WDPCP: variants seen among roughly 807,000 people sequenced by gnomAD.
WDPCP encodes the protein WD repeat-containing and planar cell polarity effector protein fritz homolog.
WDPCP carries 71 observed loss-of-function variants against 93.1 expected under a neutral mutation model. The ratio of observed to expected loss-of-function variants is 0.76; its 90% CI spans 0.63 to 0.93. The LOEUF (loss-of-function observed/expected upper bound fraction) is 0.93. WDPCP is among the 40% of genes least tolerant of loss of function. The pLI, the probability that WDPCP is intolerant of heterozygous loss-of-function variation, is 0.00. For missense variants in WDPCP, 844 were observed against 887.4 expected (o/e 0.95, Z 0.62); for synonymous variants, 315 against 315.0 (o/e 1.00, Z 0.00).
At chr2:63,308,836 C>G (rs12614208) in intron 13 of WDPCP, among the ~76,000 whole-genome samples, 25,152 of 152,066 alleles carry the variant, frequency 0.17, 2,289 homozygotes, top group Middle Eastern at 0.25. Context: ...CACATGTATA[C>G]CTATGTGACA....
At chr2:63,763,610 T>G (rs12464279) in intron 2 of WDPCP, among the ~76,000 whole-genome samples, 38,963 of 152,050 alleles carry the variant, frequency 0.26, 5,250 homozygotes, top group Middle Eastern at 0.32. Flanking sequence ...AATTTAGCAT[T>G]ACTAAAACTT....
intron 14 of WDPCP, among the ~76,000 whole-genome samples, chr2:63,222,521 G>A (rs1428935595): frequency 6.6e-6 from 1 of 152,182 alleles, no homozygotes; most frequent in Non-Finnish European, 1.5e-5. Context: ...TAACTCCTCT[G>A]TCTCCTCATC....
chr2:63,296,886 C>T (rs1317176967), intron 13 of WDPCP, among the ~76,000 whole-genome samples: 1 of 152,126 alleles, frequency 6.6e-6, no homozygotes, highest in Non-Finnish European at 1.5e-5. Flanking sequence ...TCTACAGATT[C>T]AATGCAATTC....
chr2:63,523,330 A>G (rs1703081065), intron 1 of WDPCP, among the ~76,000 whole-genome samples: 1 of 152,188 alleles, frequency 6.6e-6, no homozygotes, highest in African/African-American at 2.4e-5. Context: ...GCCATTTATG[A>G]CAAACCCACA....
intron 2 of WDPCP, among the ~76,000 whole-genome samples, chr2:63,778,005 T>C (rs1013864896): frequency 3.3e-5 from 5 of 152,182 alleles, no homozygotes; most frequent in Admixed American, 6.5e-5. Context: ...CATTGGACTT[T>C]GGGATAAAAA....
intron 14 of WDPCP, among the ~76,000 whole-genome samples, chr2:63,231,544 G>A (rs1009274479): frequency 3.3e-5 from 5 of 152,024 alleles, no homozygotes; most frequent in African/African-American, 4.8e-5. Flanking sequence ...TAACAGACAA[G>A]CCGAGAGCCA....
At chr2:63,240,182 A>G (rs1400053328) in intron 14 of WDPCP, among the ~76,000 whole-genome samples, 3 of 151,884 alleles carry the variant, frequency 2.0e-5, no homozygotes, top group African/African-American at 7.3e-5. Flanking sequence ...CACTCTTAGT[A>G]TTTTTTGTTT....
At chr2:63,590,890 T>G (rs1216360112), upstream of WDPCP, 1 of 152,228 alleles carries the variant, frequency 6.6e-6, no homozygotes, top group African/African-American at 2.4e-5. Context: ...TTCTGTAAGC[T>G]CATTCAAAGC....
chr2:63,445,588 G>C (rs1697803329), intron 6 of WDPCP, among the ~76,000 whole-genome samples: 1 of 152,070 alleles, frequency 6.6e-6, no homozygotes, highest in Non-Finnish European at 1.5e-5. Context: ...GGACAAAAAA[G>C]AAAAAGAGCA....
chr2:63,436,781 TAAA>T (rs976758463), intron 8 of WDPCP, among the ~76,000 whole-genome samples: 1 of 152,066 alleles, frequency 6.6e-6, no homozygotes, highest in South Asian at 2.1e-4. Flanking sequence ...TCCCAGCAGT[TAAA>T]ATGTAATGTG....
intron 2 of WDPCP, among the ~76,000 whole-genome samples, chr2:63,697,915 G>A (rs906203217): frequency 5.3e-5 from 8 of 150,734 alleles, no homozygotes; most frequent in East Asian, 4.0e-4. Context: ...CTCCCAAAGT[G>A]CTGGGACTAC....
In WDPCP at chr2:63,154,059, A is replaced by G. The variant is rs1672066982; in HGVS notation, c.2079-485T>C. Among the ~76,000 whole-genome samples the G allele has an allele frequency of 3.3e-5, 5 of 151,608 alleles. No individual in the cohort carries two copies. In the South Asian group the frequency reaches 1.0e-3, roughly 31 times the overall value. Reference sequence around the variant, plus strand: ...TGTTCTCTGGATATTTAGCTCCACTACTTATTATTATGTATCTTTTAAAAA... The same window carrying G: ...TGTTCTCTGGATATTTAGCTCCACTGCTTATTATTATGTATCTTTTAAAAA... On this transcript the variant is annotated intron_variant, in intron 15 of 17. Coordinates refer to ENST00000272321, the MANE Select transcript of WDPCP (RefSeq NM_015910.7).
chr2:63,667,298 T>C (rs1020457178), intron 2 of WDPCP, among the ~76,000 whole-genome samples: 3 of 152,198 alleles, frequency 2.0e-5, no homozygotes, highest in Admixed American at 2.0e-4. Flanking sequence ...GAGGCTGGCA[T>C]AGGTTTGTCC....
chr2:63,558,760 T>C (rs551290804), intron 1 of WDPCP, among the ~76,000 whole-genome samples: 10 of 151,896 alleles, frequency 6.6e-5, no homozygotes, highest in African/African-American at 2.2e-4. Flanking sequence ...AACAGACCAA[T>C]AACAAGTTCT....
At chr2:63,618,117 G>A (rs754386443) in intron 3 of WDPCP, among the ~76,000 whole-genome samples, 1 of 152,150 alleles carries the variant, frequency 6.6e-6, no homozygotes, top group Non-Finnish European at 1.5e-5. Flanking sequence ...TGAAAGAGGG[G>A]CTTATGTAAA....
chr2:63,589,237 C>A, upstream of WDPCP: 1 of 1,556,834 alleles, frequency 6.4e-7, no homozygotes, highest in South Asian at 1.2e-5. Context: ...TTCCACCTTG[C>A]GGGGTATGGG....
At chr2:63,620,613 G>C (rs904177313) in intron 3 of WDPCP, among the ~76,000 whole-genome samples, 1 of 152,202 alleles carries the variant, frequency 6.6e-6, no homozygotes, top group South Asian at 2.1e-4. Context: ...AGATTTAAAC[G>C]TTCCTGTCTG....
intron 1 of WDPCP, among the ~76,000 whole-genome samples, chr2:63,572,988 T>G (rs1707642912): frequency 6.6e-6 from 1 of 152,098 alleles, no homozygotes; most frequent in Non-Finnish European, 1.5e-5. Context: ...GGCTCACACC[T>G]ATAATCCCAG....
At chr2:63,334,194 G>C (rs949572374) in intron 12 of WDPCP, among the ~76,000 whole-genome samples, 1 of 152,096 alleles carries the variant, frequency 6.6e-6, no homozygotes, top group Non-Finnish European at 1.5e-5. Context: ...TTTCTTTCAG[G>C]AATGTATTAT....
Sources: gnomAD v4.1 joint callset for allele counts (sites outside exome capture counted in the v4.1 genomes callset) on GRCh38, gnomAD v4.1.1 for gene constraint, MANE v1.5 for transcripts, NCBI Gene and HGNC (gene_info 2026-07-23, HGNC 2026-07-21) for gene names.